RBL2: variants seen among roughly 807,000 people sequenced by gnomAD.
RBL2 encodes the protein retinoblastoma-like protein 2.
RBL2 carries 56 observed loss-of-function variants against 126.0 expected under a neutral mutation model. That is an observed-to-expected ratio of 0.44 (90% CI 0.36 to 0.56). The LOEUF is 0.56. Among genes scored for constraint, RBL2 ranks in the 20% least tolerant of loss-of-function variants. RBL2 has a pLI of 0.00. For synonymous variants in RBL2, 454 were observed against 478.5 expected (o/e 0.95, Z 0.67); for missense variants, 1,229 against 1,398.2 (o/e 0.88, Z 1.93).
At chr16:53,466,028 ATCT>A (rs144683601) in intron 13 of RBL2, 3,837 of 152,882 alleles carry the variant, frequency 0.025, 161 homozygotes, top group African/African-American at 0.088. Flanking sequence ...AGTTTCTCAG[ATCT>A]TCTCTGGGAT....
intron 3 of RBL2, among the ~76,000 whole-genome samples, chr16:53,446,158 T>A (rs2058060366): frequency 6.6e-6 from 1 of 152,162 alleles, no homozygotes; most frequent in African/African-American, 2.4e-5. Context: ...AAAATTGAAT[T>A]TTATTTTGGT....
At chr16:53,449,586 GAAAAAAAAAA>G (rs777289704) in intron 4 of RBL2, 1 of 58,802 alleles carries the variant, frequency 1.7e-5, no homozygotes, top group East Asian at 6.0e-4. Context: ...ACCGTGTCTC[GAAAAAAAAAA>G]AAAAAAAAAA....
rs2057935587 is a variant in RBL2, at chr16:53,434,607, G to T, written c.51G>T (p.Ala17=). 1.3e-6 allele frequency: 2 copies of T among 1,550,378 alleles called. No homozygotes were observed. Among genetic ancestry groups the T allele is most frequent in the East Asian group, 2.4e-5 (1 of 41,376 alleles). ...QSPPPPPPPP[A]AAASDEEEED... ...CACCGCCCCCGCCTCCCCCTCCGGCGGCGGCAGCCTCGGATGAGGAGGAGG... is the reference window on the plus strand; with the variant it reads ...CACCGCCCCCGCCTCCCCCTCCGGCTGCGGCAGCCTCGGATGAGGAGGAGG... Residue 17 remains alanine (A), a synonymous_variant, in exon 1 of 22, where the codon GCG becomes GCT. Coordinates refer to ENST00000262133, the MANE Select transcript of RBL2 (RefSeq NM_005611.4).
chr16:53,461,886 G>T, intron 10 of RBL2, 36 bp downstream of exon 10: 1 of 1,523,854 alleles, frequency 6.6e-7, no homozygotes, highest in South Asian at 1.1e-5. Flanking sequence ...TTTTATGTTT[G>T]AAGTTTAACT....
At chr16:53,468,209 G>C (rs986189172) in intron 14 of RBL2, among the ~76,000 whole-genome samples, 1 of 152,128 alleles carries the variant, frequency 6.6e-6, no homozygotes, top group African/African-American at 2.4e-5. Context: ...TAATTGATAA[G>C]AACTGGCTAT....
rs757656307 is a variant in RBL2 at position 53,470,370 on chromosome 16, T to G, written c.2246-13T>G. The G allele has an allele frequency of 1.2e-6, 2 of 1,604,510 alleles. No homozygotes were observed. The highest frequency in any genetic ancestry group is 3.4e-5 in the Admixed American group (2 of 59,532). On this transcript the variant is annotated splice_polypyrimidine_tract_variant and intron_variant, in intron 15 of 21. Transcript: ENST00000262133. Reference sequence around the variant, plus strand: ...ATCAACATTTTCTTCATGCTTTTTTTCTCTGTCACTAGGTATTGCCAATGA... The same window carrying G: ...ATCAACATTTTCTTCATGCTTTTTTGCTCTGTCACTAGGTATTGCCAATGA...
intron 4 of RBL2, among the ~76,000 whole-genome samples, chr16:53,450,600 A>G (rs953089954): frequency 6.6e-6 from 1 of 152,192 alleles, no homozygotes; most frequent in Non-Finnish European, 1.5e-5. Context: ...ACTACACGTA[A>G]AAATGTGTTC....
intron 8 of RBL2, among the ~76,000 whole-genome samples, chr16:53,457,970 A>G (rs1214772648): frequency 2.6e-5 from 4 of 152,216 alleles, no homozygotes; most frequent in Non-Finnish European, 5.9e-5. Context: ...CAATGTAGGC[A>G]TCGGTTCATG....
chr16:53,462,290 GA>G (rs556944734), intron 10 of RBL2, among the ~76,000 whole-genome samples: 2 of 150,798 alleles, frequency 1.3e-5, no homozygotes, highest in African/African-American at 4.9e-5. Flanking sequence ...AAACATAGAG[GA>G]AAAAAAAGGG....
intron 21 of RBL2, among the ~76,000 whole-genome samples, chr16:53,483,644 A>G (rs1241024322): frequency 6.6e-6 from 1 of 152,214 alleles, no homozygotes; most frequent in African/African-American, 2.4e-5. Flanking sequence ...TAATCCCAGC[A>G]CTTTGGGAGG....
Position 53,469,957 on chromosome 16 carries a change from C to T in RBL2, c.2017C>T (p.Pro673Ser), listed in dbSNP as rs1208943276. The T allele has an allele frequency of 6.2e-7, 1 of 1,611,296 alleles. No homozygotes were observed. The highest frequency in any genetic ancestry group is 1.3e-5 in the African/African-American group (1 of 74,880). Residue 673 changes from proline (P) to serine (S), a missense_variant, in exon 15 of 22, where the codon CCA (proline) becomes TCA (serine). Transcript: ENST00000262133. ...PTTLYDRYSS[P>S]PASTTRRRLF... The stretch of plus-strand genomic sequence containing the variant: ...CACATTATACGATAGGTACAGCTCC[C>T]CACCAGCCAGCACTACCAGAAGGCG...
chr16:53,479,042 A>G (rs543406087), intron 17 of RBL2, 112 bp from the exon 18 acceptor site: 3 of 800,694 alleles, frequency 3.7e-6, no homozygotes, highest in South Asian at 3.0e-5. Context: ...GAGACTTTAA[A>G]TAGCTTTTAT....
rs368973779 is a variant in RBL2 at position 53,486,161 on chromosome 16, G to C, written c.3250-3969G>C. 6.6e-5 allele frequency among the ~76,000 whole-genome samples: 10 copies of C among 150,682 alleles called. No individual in the cohort carries two copies. The East Asian group carries it at 1.8e-3, about 27-fold the overall frequency. On this transcript the variant is annotated intron_variant, in intron 21 of 21. Coordinates refer to ENST00000262133, the MANE Select transcript of RBL2 (RefSeq NM_005611.4). ...AAAAAAAAAAGCCAGGTGTGGTGGG[G>C]TTGGTGAGGTGTGCCTATAGTCCCA...
intron 21 of RBL2, among the ~76,000 whole-genome samples, chr16:53,482,828 A>C (rs1472713297): frequency 2.0e-5 from 3 of 151,750 alleles, no homozygotes; most frequent in Non-Finnish European, 2.9e-5. Flanking sequence ...AAAAAAAAAA[A>C]ACGGTTGCTT....
At chr16:53,443,975 G>A (rs1188291404) in intron 3 of RBL2, among the ~76,000 whole-genome samples, 3 of 152,162 alleles carry the variant, frequency 2.0e-5, no homozygotes, top group Admixed American at 1.3e-4. Flanking sequence ...TGAGCCAGGC[G>A]GGTTGGCTCA....
chr16:53,447,517 ATACT>A (rs2058073708), intron 4 of RBL2, among the ~76,000 whole-genome samples: 1 of 152,140 alleles, frequency 6.6e-6, no homozygotes, highest in African/African-American at 2.4e-5. Context: ...TCAGATAAGT[ATACT>A]TAGTCAAATG....
At position 53,459,523 on chromosome 16, in the gene RBL2, C is replaced by T. The variant is rs149055093; in HGVS notation, c.1252C>T (p.Pro418Ser). The change falls in exon 9 of 22, where the codon CCA (proline) becomes TCA (serine). Residue 418 changes from proline (P) to serine (S), a missense_variant. Physicochemically the swap from Pro to Ser is moderately conservative, Grantham distance 74. Around this residue, in one of 2 missense-constraint regions of RBL2, gnomAD observed 1,070 missense variants for 1,274.3 expected, o/e 0.84. Transcript: ENST00000262133. ...TAAGGAGAATAGCCCTTGTGTGACT[C>T]CAGTTTCTACAGCTACGCATAGCTT... is the stretch of plus-strand genomic sequence containing the variant. ...YIKENSPCVTPVSTATHSLSR... is the reference protein window; with the variant it reads ...YIKENSPCVTSVSTATHSLSR... The T allele has an allele frequency of 4.3e-5, 69 of 1,612,556 alleles. No individual in the cohort carries two copies. The African/African-American group carries it at 8.0e-4, about 19-fold the overall frequency.
At chr16:53,454,580 T>TA in intron 7 of RBL2, 76 bp from the exon 8 acceptor site, 2 of 1,305,326 alleles carry the variant, frequency 1.5e-6, no homozygotes, top group South Asian at 3.0e-5. Flanking sequence ...TTTTAGTAAA[T>TA]AAAAAAATGA....
intron 2 of RBL2, among the ~76,000 whole-genome samples, chr16:53,440,613 G>T (rs1466262174): frequency 9.9e-5 from 15 of 152,142 alleles, no homozygotes; most frequent in African/African-American, 3.6e-4. Context: ...GGGTGCAGGG[G>T]CGTGATCTCA....
Sources: gnomAD v4.1 joint callset for allele counts (sites outside exome capture counted in the v4.1 genomes callset) on GRCh38, gnomAD v4.1.1 for gene constraint, gnomAD v4.1.1 regional missense constraint, MANE v1.5 for transcripts, NCBI Gene and HGNC (gene_info 2026-07-23, HGNC 2026-07-21) for gene names.